NPAS2: variants seen among roughly 807,000 people sequenced by gnomAD.
The protein encoded by NPAS2 is neuronal PAS domain protein 2, also known as neuronal PAS domain-containing protein 2.
In NPAS2, 23 loss-of-function variants were observed where a neutral mutation model predicts 107.5. The observed-to-expected ratio is 0.21, with a 90% CI of 0.15 to 0.30. The LOEUF (loss-of-function observed/expected upper bound fraction) is 0.30, where lower values mean the gene tolerates loss of function less well. Ranked by LOEUF, NPAS2 falls within the 10% of genes least tolerant of loss-of-function variation. NPAS2 has a pLI of 1.00. For missense variants in NPAS2, 756 were observed against 1,043.3 expected, an observed-to-expected ratio of 0.72 and a Z score of 3.79; for synonymous variants, 403 against 417.5, an observed-to-expected ratio of 0.97 and a Z score of 0.42.
intron 1 of NPAS2, among the ~76,000 whole-genome samples, chr2:100,898,926 C>A (rs1464466299): frequency 6.6e-6 from 1 of 152,166 alleles, no homozygotes; most frequent in African/African-American, 2.4e-5. Flanking sequence ...CAGTGACAAG[C>A]CATGTTGACA....
rs3739008 is a variant in NPAS2, at chr2:100,996,106, C to T, written c.*524C>T. Reference sequence around the variant, plus strand: ...AGCTACACAGAGGAAATAACTTAGGCACTTTCTGTTTTTTTTAAAAAAATA... The same window carrying T: ...AGCTACACAGAGGAAATAACTTAGGTACTTTCTGTTTTTTTTAAAAAAATA... On this transcript the variant is annotated 3_prime_UTR_variant, in exon 21 of 21. Coordinates refer to ENST00000335681, the MANE Select transcript of NPAS2 (RefSeq NM_002518.4). 139,718 of 496,326 alleles carry T rather than the reference C, an allele frequency of 0.28. 21,721 individuals are homozygous for T. Among genetic ancestry groups the T allele is most frequent in the South Asian group, 0.38 (11,144 of 29,496 alleles). 30.7% of individuals were successfully genotyped at this position (496,326 alleles called of 1,614,324 possible).
chr2:100,923,205 C>T (rs1042447646), intron 2 of NPAS2, among the ~76,000 whole-genome samples: 2 of 151,846 alleles, frequency 1.3e-5, no homozygotes, highest in South Asian at 2.1e-4. Context: ...AGTGGCTCGG[C>T]GAGGGACAGG....
intron 1 of NPAS2, among the ~76,000 whole-genome samples, chr2:100,845,595 C>T (rs547650012): frequency 2.6e-5 from 4 of 152,348 alleles, no homozygotes; most frequent in Admixed American, 6.5e-5. Flanking sequence ...GGCCACACTG[C>T]AGCCATCCAA....
chr2:100,842,077 ACG>A (rs1553441809), intron 1 of NPAS2, among the ~76,000 whole-genome samples: 5 of 92,366 alleles, frequency 5.4e-5, no homozygotes, highest in East Asian at 4.5e-4. Flanking sequence ...GTGTGCATGT[ACG>A]CGCACACACA....
chr2:100,944,125 G>A (rs996922665), intron 5 of NPAS2, among the ~76,000 whole-genome samples: 8 of 152,122 alleles, frequency 5.3e-5, no homozygotes, highest in Admixed American at 4.6e-4. Context: ...AATCTAAGTG[G>A]ATCAAATATG....
chr2:100,940,332 A>G (rs548229631), intron 5 of NPAS2, among the ~76,000 whole-genome samples: 2 of 152,368 alleles, frequency 1.3e-5, no homozygotes, highest in South Asian at 4.1e-4. Context: ...GATTTGGGTC[A>G]TAATTTAGGA....
chr2:100,869,670 T>C (rs41349646), intron 1 of NPAS2, among the ~76,000 whole-genome samples: 20,912 of 152,150 alleles, frequency 0.14, 1,830 homozygotes, highest in East Asian at 0.38. Flanking sequence ...CTCATGTCCA[T>C]TAATACTGAG....
At chr2:100,862,809 A>G (rs1679025161) in intron 1 of NPAS2, among the ~76,000 whole-genome samples, 1 of 152,102 alleles carries the variant, frequency 6.6e-6, no homozygotes, top group African/African-American at 2.4e-5. Context: ...TCTTCCTTTT[A>G]CGGGAGTTGC....
At position 100,839,253 on chromosome 2, in the gene NPAS2, T is replaced by A. The variant is rs539471167; in HGVS notation, c.-23+18839T>A. On this transcript the variant is annotated intron_variant, in intron 1 of 20. Transcript: ENST00000335681. ...AAGGGATTCTCCTGCCTCAGCCTCC[T>A]GAGTAACAGGGACTACAGGTACCTA... Among the ~76,000 whole-genome samples, 403 of 152,228 alleles carry A rather than the reference T, an allele frequency of 2.6e-3. 4 individuals are homozygous for A. Among genetic ancestry groups the A allele is most frequent in the African/African-American group, 9.3e-3 (388 of 41,542 alleles).
intron 5 of NPAS2, among the ~76,000 whole-genome samples, chr2:100,947,578 C>T (rs531876906): frequency 1.5e-4 from 23 of 150,120 alleles, no homozygotes; most frequent in African/African-American, 5.4e-4. Context: ...AATTAAAATT[C>T]AGTTCCTTGT....
intron 1 of NPAS2, among the ~76,000 whole-genome samples, chr2:100,887,037 A>T (rs1680740071): frequency 1.3e-5 from 2 of 152,224 alleles, no homozygotes; most frequent in Admixed American, 1.3e-4. Context: ...AGGGCTCTAA[A>T]TATACATAAC....
At position 100,968,264 on chromosome 2, in the gene NPAS2, C is replaced by A. The variant is rs781529862; in HGVS notation, c.908-17C>A. ...TATTAACATTGGTTATATGCGGAAT[C>A]CATTTTCTACCGACAGTGATGCAGT... On this transcript the variant is annotated splice_polypyrimidine_tract_variant and intron_variant, in intron 10 of 20. Transcript: ENST00000335681. This position sits in a 1 kb window ranked among gnomAD's most constrained non-coding sequence, Gnocchi z 5.3. 1 of 1,612,548 alleles carries A rather than the reference C, an allele frequency of 6.2e-7. No individual in the cohort carries two copies.
At chr2:100,819,597 G>T (rs1675928503), upstream of NPAS2, among the ~76,000 whole-genome samples, 1 of 152,222 alleles carries the variant, frequency 6.6e-6, no homozygotes, top group African/African-American at 2.4e-5. The surrounding 1 kb of genome is among the most constrained non-coding windows in gnomAD (Gnocchi z 5.8). Context: ...CAGTGTGGAG[G>T]GGGTGACAGT....
At chr2:100,838,510 T>A (rs545905484) in intron 1 of NPAS2, among the ~76,000 whole-genome samples, 1 of 152,160 alleles carries the variant, frequency 6.6e-6, no homozygotes, top group Admixed American at 6.5e-5. Context: ...ATTCCTGACC[T>A]CAGGTGATCT....
Position 100,995,535 on chromosome 2 carries a change from GT to G in NPAS2, c.2429del (p.Val810AlafsTer28). On this transcript the variant is annotated frameshift_variant, in exon 21 of 21. Transcript: ENST00000335681. LOFTEE classifies it high-confidence loss of function. ...QPQPLRPPRR[V>X]SSLSESSGLQ... is the part of the protein sequence containing the mutation. ...CCAGCCCCTACGTCCTCCCCGAAGGGTCAGCAGTCTGTCTGAGTCGTCAGGC... is the reference window on the plus strand; with the variant it reads ...CCAGCCCCTACGTCCTCCCCGAAGGGCAGCAGTCTGTCTGAGTCGTCAGGC... The G allele has an allele frequency of 6.2e-7, 1 of 1,612,226 alleles. No individual in the cohort carries two copies. Among genetic ancestry groups the G allele is most frequent in the Non-Finnish European group, 8.5e-7 (1 of 1,179,320 alleles).
At chr2:100,828,747 T>G (rs1457115258) in intron 1 of NPAS2, among the ~76,000 whole-genome samples, 2 of 152,200 alleles carry the variant, frequency 1.3e-5, no homozygotes, top group Non-Finnish European at 2.9e-5. Flanking sequence ...TCTATTCCAT[T>G]GGTATATGTG....
At chr2:100,962,436 C>G (rs1573731729) in intron 7 of NPAS2, among the ~76,000 whole-genome samples, 1 of 152,280 alleles carries the variant, frequency 6.6e-6, no homozygotes, top group East Asian at 1.9e-4. Context: ...TCATGATATT[C>G]CAGTTCAGAA....
chr2:100,949,590 C>A, intron 7 of NPAS2, 110 bp downstream of exon 7: 1 of 656,656 alleles, frequency 1.5e-6, no homozygotes. Context: ...GTGCTTTTCA[C>A]ATTTGCATTT....
chr2:100,949,464 T>C lies in NPAS2; in HGVS notation c.582T>C (p.Phe194=), dbSNP rs1675095902. ...TYEYIKFVGN[F]RSYNNVPSPS... is the part of the protein sequence containing the mutation. ...AATACATAAAATTTGTAGGAAATTT[T>C]CGCTCTTACAACAATGGTAAGCTTT... The change falls in exon 7 of 21, where the codon TTT becomes TTC. Residue 194 remains phenylalanine, a synonymous_variant. Coordinates refer to ENST00000335681, the MANE Select transcript of NPAS2 (RefSeq NM_002518.4). 1.3e-6 allele frequency: 2 copies of C among 1,595,486 alleles called. No homozygotes were observed. The highest frequency in any genetic ancestry group is 2.2e-5 in the East Asian group (1 of 44,824).
Sources: allele counts gnomAD v4.1 joint callset (sites outside exome capture counted in the v4.1 genomes callset), GRCh38; gene constraint gnomAD v4.1.1; non-coding constraint Gnocchi (gnomAD v3.1); transcripts MANE v1.5; gene names NCBI Gene and HGNC (gene_info 2026-07-23, HGNC 2026-07-21).